The following PDGFRA variants were observed in gnomAD, a reference collection of about 807,000 sequenced individuals.
PDGFRA encodes the protein platelet-derived growth factor receptor alpha.
Under a neutral mutation model 121.5 loss-of-function variants are expected in PDGFRA, and 25 were observed. The observed-to-expected ratio is 0.21, with a 90% confidence interval of 0.15 to 0.29. PDGFRA has a LOEUF of 0.29. Among genes scored for constraint, PDGFRA ranks in the 10% least tolerant of loss-of-function variants. The pLI is 1.00. For synonymous variants in PDGFRA, 463 were observed against 494.8 expected, an observed-to-expected ratio of 0.94 and a Z score of 0.85; for missense variants, 1,008 against 1,345.1, an observed-to-expected ratio of 0.75 and a Z score of 3.92.
At chr4:54,292,519 G>T (rs1056464259) in intron 22 of PDGFRA, among the ~76,000 whole-genome samples, 2 of 151,984 alleles carry the variant, frequency 1.3e-5, no homozygotes, top group Non-Finnish European at 2.9e-5. Flanking sequence ...AGCCTTTCAG[G>T]GGTTGGGGAT....
Position 54,261,341 on chromosome 4 carries a change from C to T in PDGFRA, c.296C>T (p.Thr99Ile). 1.2e-6 allele frequency: 2 copies of T among 1,613,972 alleles called. No homozygotes were observed. Among genetic ancestry groups the T allele is most frequent in the South Asian group, 2.2e-5 (2 of 91,080 alleles). The change falls in exon 3 of 23, where the codon ACT (threonine) becomes ATT (isoleucine). Residue 99 changes from threonine to isoleucine, a missense_variant. Around this residue, in one of 5 missense-constraint regions of PDGFRA, gnomAD observed 575 missense variants for 701.8 expected, o/e 0.82. Transcript: ENST00000257290. ...TCGGCGGCCCACACAGGGTTGTACA[C>T]TTGCTATTACAACCACACTCAGACA... is the stretch of plus-strand genomic sequence containing the variant. ...SASAAHTGLYTCYYNHTQTEE... is the reference protein window; with the variant it reads ...SASAAHTGLYICYYNHTQTEE...
At chr4:54,284,904 G>A (rs1339970192) in intron 16 of PDGFRA, among the ~76,000 whole-genome samples, 21 of 87,700 alleles carry the variant, frequency 2.4e-4, no homozygotes, top group Non-Finnish European at 3.9e-4. Context: ...TTTTTTTTGA[G>A]ACAGAGTCTC....
chr4:54,293,429 C>CT (rs35064429), intron 22 of PDGFRA, among the ~76,000 whole-genome samples: 83,394 of 116,090 alleles, frequency 0.72, 32,315 homozygotes, highest in Middle Eastern at 0.85. Context: ...CCTAGAATTT[C>CT]TTTTTTTTTT....
At position 54,255,707 on chromosome 4, in the gene PDGFRA, G is replaced by A. The variant is rs1267193319; in HGVS notation, c.-12-3050G>A. 7.2e-5 allele frequency among the ~76,000 whole-genome samples: 11 copies of A among 151,856 alleles called. No individual in the cohort carries two copies. The South Asian group carries it at 1.0e-3, about 14-fold the overall frequency. ...TTTTTAGTAGAGACAGGGTTTCACC[G>A]TGTTAGCCAGGATGGTCTCCATCTC... is the stretch of plus-strand genomic sequence containing the variant. On this transcript the variant is annotated intron_variant, in intron 1 of 22. Coordinates refer to ENST00000257290, the MANE Select transcript of PDGFRA (RefSeq NM_006206.6).
At chr4:54,280,826 A>T (rs773855111) in intron 16 of PDGFRA, 2 of 178,008 alleles carry the variant, frequency 1.1e-5, no homozygotes, top group African/African-American at 2.4e-5. Context: ...TTTCTTTTTT[A>T]ATGAAAATAT....
rs150010946 is a variant in PDGFRA, at chr4:54,265,466, G to A, written c.759+417G>A. ...ATTCATCTGATAGTGTTGATTGCCC[G>A]CACCCCTTCCTCTTCTGCCTTGTTG... On this transcript the variant is annotated intron_variant, in intron 5 of 22. Coordinates refer to ENST00000257290, the MANE Select transcript of PDGFRA (RefSeq NM_006206.6). 434 of 272,340 alleles carry A rather than the reference G, an allele frequency of 1.6e-3. 2 individuals carry two copies. The highest frequency in any genetic ancestry group is 2.1e-3 in the Non-Finnish European group (283 of 137,658). The allele number at this position is 272,340 out of a possible 1,614,324, so 16.9% of individuals were successfully genotyped here. A position where few individuals can be genotyped will look rare whatever the true frequency, so the allele number is the denominator to read the frequency against.
At position 54,287,192 on chromosome 4, in the gene PDGFRA, T is replaced by C. The variant is rs550799511; in HGVS notation, c.2563-238T>C. 1.7e-4 allele frequency among the ~76,000 whole-genome samples: 26 copies of C among 152,342 alleles called. 1 individual carries two copies. Among genetic ancestry groups the C allele is most frequent in the Admixed American group, 1.6e-3 (25 of 15,306 alleles). ...TTAATGTTTTTGGATATTATTCCTT[T>C]GGAGGACATAAAAGGCAATATTGAC... On this transcript the variant is annotated intron_variant, in intron 18 of 22. Transcript: ENST00000257290.
chr4:54,259,312 TA>T (rs945970481), intron 2 of PDGFRA, among the ~76,000 whole-genome samples: 1 of 151,940 alleles, frequency 6.6e-6, no homozygotes, highest in African/African-American at 2.4e-5. Flanking sequence ...AGACCTCATT[TA>T]AAAAAAATGT....
chr4:54,237,822 T>C (rs1721095154), intron 1 of PDGFRA, among the ~76,000 whole-genome samples: 1 of 151,514 alleles, frequency 6.6e-6, no homozygotes, highest in Non-Finnish European at 1.5e-5. Context: ...CCCTAGGAAA[T>C]AGTCAGGCAA....
chr4:54,280,577 G>A, intron 16 of PDGFRA, 95 bp downstream of exon 16: 2 of 1,044,188 alleles, frequency 1.9e-6, no homozygotes, highest in Non-Finnish European at 2.9e-6. Flanking sequence ...GGGATGGTAA[G>A]TGAACCTGGC....
intron 3 of PDGFRA, among the ~76,000 whole-genome samples, 159 bp from the exon 4 acceptor site, chr4:54,263,508 T>C (rs1358175287): frequency 2.0e-5 from 3 of 152,238 alleles, no homozygotes; most frequent in African/African-American, 4.8e-5. Context: ...TTTGTAGCTG[T>C]CATGATAACT....
chr4:54,284,804 G>GTA lies in PDGFRA; in HGVS notation c.2324-566_2324-565insAT, dbSNP rs1724242891. Among the ~76,000 whole-genome samples the GTA allele has an allele frequency of 5.3e-5, 8 of 149,840 alleles. No individual in the cohort carries two copies. In the South Asian group the frequency reaches 1.7e-3, roughly 32 times the overall value. ...ACATATCCAAACTATATCATTGCGT[G>GTA]TGTGTGTGTGTGTATAATTTTTAAA... On this transcript the variant is annotated intron_variant, in intron 16 of 22. Transcript: ENST00000257290.
intron 1 of PDGFRA, among the ~76,000 whole-genome samples, chr4:54,246,184 C>T (rs1426097443): frequency 6.6e-6 from 1 of 152,104 alleles, no homozygotes; most frequent in African/African-American, 2.4e-5. Flanking sequence ...CAAAGATAGC[C>T]AGGAATTGAA....
At chr4:54,261,439 A>G (rs1722710706) in intron 3 of PDGFRA, 27 bp downstream of exon 3, 2 of 1,514,584 alleles carry the variant, frequency 1.3e-6, no homozygotes, top group Non-Finnish European at 1.8e-6. Flanking sequence ...TCCAGGACCA[A>G]GCTTCTTCTC....
At chr4:54,285,720 C>T in intron 17 of PDGFRA, 121 bp from the exon 18 acceptor site, 1 of 1,098,720 alleles carries the variant, frequency 9.1e-7, no homozygotes. Context: ...GGGAGAAGGC[C>T]AGCCCTTTAT....
At chr4:54,234,112 C>T (rs1253508277) in intron 1 of PDGFRA, among the ~76,000 whole-genome samples, 1 of 152,198 alleles carries the variant, frequency 6.6e-6, no homozygotes, top group African/African-American at 2.4e-5. Flanking sequence ...GTCGTCTTCC[C>T]GGCTCCGAAG....
At position 54,278,026 on chromosome 4, in the gene PDGFRA, G is replaced by A. The variant is rs762384871; in HGVS notation, c.2002+20G>A. The A allele has an allele frequency of 1.4e-6, 2 of 1,429,454 alleles. No individual in the cohort carries two copies. Among genetic ancestry groups the A allele is most frequent in the Non-Finnish European group, 2.0e-6 (2 of 1,011,730 alleles). The allele number at this position is 1,429,454 out of a possible 1,614,324, so 88.5% of individuals were successfully genotyped here. ...AGTCAGGTGGGCTCACTGACCTGGA[G>A]TGAGGATTTTCACTGGACACATGTG... is the stretch of plus-strand genomic sequence containing the variant. On this transcript the variant is annotated intron_variant, in intron 14 of 22. Transcript: ENST00000257290.
At chr4:54,238,789 G>A (rs1311608853) in intron 1 of PDGFRA, among the ~76,000 whole-genome samples, 2 of 152,128 alleles carry the variant, frequency 1.3e-5, no homozygotes, top group East Asian at 3.8e-4. Context: ...AACATAGTGA[G>A]ACCTTGTCTC....
intron 15 of PDGFRA, chr4:54,279,020 A>G: frequency 2.8e-6 from 1 of 353,906 alleles, no homozygotes; most frequent in Admixed American, 3.3e-5. Context: ...ACTTCATAAT[A>G]AATTACTTGG....
Sources: allele counts gnomAD v4.1 joint callset (sites outside exome capture counted in the v4.1 genomes callset), GRCh38; gene constraint gnomAD v4.1.1; regional missense constraint gnomAD v4.1.1; transcripts MANE v1.5; gene names NCBI Gene and HGNC (gene_info 2026-07-23, HGNC 2026-07-21).